Variants in BAZ1B observed in about 807,000 individuals in gnomAD.
The protein encoded by BAZ1B is bromodomain adjacent to zinc finger domain 1B.
A neutral mutation model predicts 153.8 loss-of-function variants in BAZ1B; 22 were observed. That is an observed-to-expected ratio of 0.14 (90% confidence interval 0.10 to 0.20). The LOEUF is 0.20. BAZ1B is among the 10% of genes least tolerant of loss of function. The pLI, the probability that BAZ1B is intolerant of heterozygous loss-of-function variation, is 1.00. For synonymous variants in BAZ1B, 676 were observed against 633.4 expected (o/e 1.07, Z -1.01); for missense variants, 1,325 against 1,799.3 (o/e 0.74, Z 4.77).
intron 4 of BAZ1B, among the ~76,000 whole-genome samples, chr7:73,494,020 C>T (rs1325416504): frequency 3.3e-5 from 5 of 152,074 alleles, no homozygotes; most frequent in African/African-American, 4.8e-5. Flanking sequence ...TAGAATTTGT[C>T]TTGCTAGCAC....
chr7:73,487,801 G>C (rs920473140), intron 6 of BAZ1B, among the ~76,000 whole-genome samples: 3 of 152,144 alleles, frequency 2.0e-5, no homozygotes, highest in Non-Finnish European at 4.4e-5. Flanking sequence ...GGAAAATTTA[G>C]TCCTGATCTA....
chr7:73,447,559 C>G (rs781981900), intron 15 of BAZ1B, among the ~76,000 whole-genome samples, 180 bp from the exon 16 acceptor site: 1 of 152,032 alleles, frequency 6.6e-6, no homozygotes, highest in Non-Finnish European at 1.5e-5. Flanking sequence ...AATGAAAAAC[C>G]AAGTTTCAAC....
intron 3 of BAZ1B, among the ~76,000 whole-genome samples, chr7:73,506,051 C>T (rs114858792): frequency 0.013 from 1,909 of 152,286 alleles, 43 homozygotes; most frequent in African/African-American, 0.044. Context: ...GCAATTAGCC[C>T]AGTGTCAAGT....
chr7:73,468,943 A>G (rs1428978677), intron 9 of BAZ1B, among the ~76,000 whole-genome samples: 2 of 152,184 alleles, frequency 1.3e-5, no homozygotes, highest in Admixed American at 6.6e-5. Context: ...CAGCTTGGCC[A>G]ACATGGCGAA....
At chr7:73,454,274 G>T (rs1365197532) in intron 13 of BAZ1B, among the ~76,000 whole-genome samples, 1 of 152,120 alleles carries the variant, frequency 6.6e-6, no homozygotes, top group African/African-American at 2.4e-5. Flanking sequence ...GAGAGCCTGG[G>T]CAACACAGTG....
intron 16 of BAZ1B, among the ~76,000 whole-genome samples, chr7:73,445,472 A>G (rs1030596709): frequency 5.3e-5 from 8 of 152,170 alleles, no homozygotes; most frequent in Admixed American, 2.0e-4. Context: ...GAGGCCGTAA[A>G]AACTTAGAAA....
Position 73,442,768 on chromosome 7 carries a change from T to G in BAZ1B, c.4051A>C (p.Ile1351Leu). Residue 1351 changes from isoleucine to leucine, a missense_variant, in exon 18 of 20, where the codon ATC (isoleucine) becomes CTC (leucine). Coordinates refer to ENST00000339594, the MANE Select transcript of BAZ1B (RefSeq NM_032408.4). ...QSLELQKCEE[I>L]LHKIVKYRFS... ...CGGTACTTCACGATCTTGTGGAGGA[T>G]CTCTTCACACTTCTGCAGCTCCAGG... 6.2e-7 allele frequency: 1 copy of G among 1,614,146 alleles called. No individual in the cohort carries two copies. Among genetic ancestry groups the G allele is most frequent in the Non-Finnish European group, 8.5e-7 (1 of 1,180,018 alleles).
intron 7 of BAZ1B, among the ~76,000 whole-genome samples, chr7:73,470,990 C>T (rs1554571918): frequency 1.3e-5 from 2 of 152,134 alleles, no homozygotes; most frequent in Non-Finnish European, 2.9e-5. Context: ...CCGTCTCGGC[C>T]CCTCAAAGTG....
chr7:73,442,640 G>A (rs1787668544), intron 18 of BAZ1B, 85 bp downstream of exon 18: 1 of 1,548,358 alleles, frequency 6.5e-7, no homozygotes, highest in African/African-American at 1.4e-5. Context: ...GCAAGGGCTT[G>A]GCTGAGAGCC....
At chr7:73,442,136 T>TAGCCAC in intron 19 of BAZ1B, 45 bp downstream of exon 19, 1 of 573,492 alleles carries the variant, frequency 1.7e-6, no homozygotes, top group Non-Finnish European at 3.2e-6. Context: ...CTCGCTCGCC[T>TAGCCAC]CCCTCCCACC....
intron 13 of BAZ1B, among the ~76,000 whole-genome samples, chr7:73,453,316 G>A (rs1247778397): frequency 2.6e-5 from 4 of 152,224 alleles, no homozygotes; most frequent in Non-Finnish European, 4.4e-5. Flanking sequence ...TACTGTGTCT[G>A]GACCTGCAAA....
chr7:73,464,219 G>A (rs1554570828), intron 11 of BAZ1B: 1 of 945,778 alleles, frequency 1.1e-6, no homozygotes, highest in Non-Finnish European at 1.3e-6. Flanking sequence ...GTGAAATTGA[G>A]CACAGAGTCA....
chr7:73,473,745 T>G (rs1788899691), intron 7 of BAZ1B, among the ~76,000 whole-genome samples: 1 of 152,150 alleles, frequency 6.6e-6, no homozygotes. Flanking sequence ...CCCAGCACTT[T>G]AGGAGGCTGA....
At chr7:73,478,640 T>C (rs1170039938) in intron 6 of BAZ1B, 71 bp from the exon 7 acceptor site, 2 of 1,271,754 alleles carry the variant, frequency 1.6e-6, no homozygotes, top group African/African-American at 1.5e-5. Context: ...TTAAGCATCT[T>C]AAAGGCCCTC....
rs781809552 is a variant in BAZ1B, at chr7:73,442,163, C to A, written c.*15+18G>T. ...CCTCCCACCCTCCCTAGCTGTCCCC[C>A]CACCTCAGCTCCCTTACCACGGCCC... On this transcript the variant is annotated intron_variant, in intron 19 of 19. Coordinates refer to ENST00000339594, the MANE Select transcript of BAZ1B (RefSeq NM_032408.4). 3.6e-6 allele frequency: 5 copies of A among 1,371,412 alleles called. No individual in the cohort carries two copies. The highest frequency in any genetic ancestry group is 1.3e-5 in the South Asian group (1 of 78,506). 85.0% of individuals were successfully genotyped at this position (1,371,412 alleles called of 1,614,324 possible).
intron 3 of BAZ1B, among the ~76,000 whole-genome samples, chr7:73,505,003 T>C (rs1236008732): frequency 4.6e-5 from 7 of 152,288 alleles, no homozygotes; most frequent in Non-Finnish European, 2.9e-5. Context: ...GTACTGGCTA[T>C]TGTAGCACAA....
chr7:73,515,531 C>CT (rs869065388), intron 1 of BAZ1B, among the ~76,000 whole-genome samples: 12,016 of 111,352 alleles, frequency 0.11, 866 homozygotes, highest in African/African-American at 0.14. Context: ...AGCCTTGTTC[C>CT]TTTTTTTTTT....
In BAZ1B at chr7:73,470,487, T is replaced by A. The variant is rs1788758518; in HGVS notation, c.2594-4A>T. ...TCAGCTTGGCGTTCCAGTTTCACTG[T>A]TAAAAATAAAAAGACTCAAATCAGA... On this transcript the variant is annotated splice_region_variant and splice_polypyrimidine_tract_variant and intron_variant, in intron 7 of 19. Transcript: ENST00000339594. The A allele has an allele frequency of 4.3e-6, 7 of 1,610,018 alleles. No homozygotes were observed. Among genetic ancestry groups the A allele is most frequent in the Non-Finnish European group, 5.9e-6 (7 of 1,178,882 alleles).
At position 73,477,315 on chromosome 7, in the gene BAZ1B, A is replaced by C; in HGVS notation, c.2146T>G (p.Ser716Ala). The change falls in exon 7 of 20, where the codon TCA becomes GCA. Residue 716 changes from serine to alanine, a missense_variant. Physicochemically the swap from Ser to Ala is moderately conservative, Grantham distance 99. Transcript: ENST00000339594. This position sits in a 1 kb window ranked among gnomAD's most constrained non-coding sequence, Gnocchi z 5.6. ...ACCTCATTATCCTCAAATGCAGCTG[A>C]ATCTTTATTGTCATCTGTGTCTGAG... The part of the protein sequence containing the change: ...EGSDTDDNKD[S>A]AAFEDNEVQD... The C allele has an allele frequency of 6.2e-7, 1 of 1,614,226 alleles. No individual in the cohort carries two copies. Among genetic ancestry groups the C allele is most frequent in the South Asian group, 1.1e-5 (1 of 91,088 alleles).
Sources: allele counts gnomAD v4.1 joint callset (sites outside exome capture counted in the v4.1 genomes callset), GRCh38; gene constraint gnomAD v4.1.1; non-coding constraint Gnocchi (gnomAD v3.1); transcripts MANE v1.5; gene names NCBI Gene and HGNC (gene_info 2026-07-23, HGNC 2026-07-21).